The following ZSWIM6 variants were observed in gnomAD, a reference collection of about 807,000 sequenced individuals.
The protein encoded by ZSWIM6 is zinc finger SWIM-type containing 6, also known as zinc finger SWIM domain-containing protein 6.
ZSWIM6 carries 9 observed loss-of-function variants against 113.2 expected under a neutral mutation model. The ratio of observed to expected loss-of-function variants is 0.08; its 90% CI spans 0.05 to 0.14. The LOEUF is 0.14. Among genes scored for constraint, ZSWIM6 ranks in the 10% least tolerant of loss-of-function variants. The pLI is 1.00. For synonymous variants in ZSWIM6, 611 were observed against 606.5 expected, an observed-to-expected ratio of 1.01 and a Z score of -0.11; for missense variants, 1,162 against 1,552.2, an observed-to-expected ratio of 0.75 and a Z score of 4.22.
chr5:61,429,115 G>T (rs929603668), intron 1 of ZSWIM6, among the ~76,000 whole-genome samples: 2 of 152,190 alleles, frequency 1.3e-5, no homozygotes, highest in Admixed American at 6.5e-5. Context: ...GTGTGTTGGG[G>T]GGACAGTCAA....
intron 4 of ZSWIM6, among the ~76,000 whole-genome samples, chr5:61,500,328 A>G (rs1412099574): frequency 6.6e-6 from 1 of 151,752 alleles, no homozygotes; most frequent in East Asian, 1.9e-4. Flanking sequence ...GGGTTTCACT[A>G]CGTTAACCAG....
chr5:61,431,469 G>C (rs1746579429), intron 1 of ZSWIM6, among the ~76,000 whole-genome samples: 1 of 151,514 alleles, frequency 6.6e-6, no homozygotes, highest in Non-Finnish European at 1.5e-5. Context: ...CTACTGGCTG[G>C]GCGCAGTAGC....
chr5:61,444,216 C>T (rs537392123), intron 1 of ZSWIM6, among the ~76,000 whole-genome samples: 14 of 150,572 alleles, frequency 9.3e-5, no homozygotes, highest in Admixed American at 2.7e-4. Flanking sequence ...TTTGTCCCTG[C>T]GATAGTTTGC....
chr5:61,388,310 G>C (rs1745631776), intron 1 of ZSWIM6, among the ~76,000 whole-genome samples: 1 of 152,062 alleles, frequency 6.6e-6, no homozygotes, highest in African/African-American at 2.4e-5. Flanking sequence ...TCAGTTGTGT[G>C]TTTGTAAAAG....
At chr5:61,496,513 A>G (rs1232231753) in intron 4 of ZSWIM6, among the ~76,000 whole-genome samples, 2 of 152,190 alleles carry the variant, frequency 1.3e-5, no homozygotes, top group Non-Finnish European at 2.9e-5. Flanking sequence ...CATTGCTTCA[A>G]GGCTCTGCTT....
At chr5:61,385,997 A>G (rs1036607504) in intron 1 of ZSWIM6, among the ~76,000 whole-genome samples, 1 of 152,206 alleles carries the variant, frequency 6.6e-6, no homozygotes, top group Non-Finnish European at 1.5e-5. Flanking sequence ...GAGGGAATGG[A>G]AACAGTGGCA....
intron 2 of ZSWIM6, among the ~76,000 whole-genome samples, chr5:61,478,378 C>T (rs752019851): frequency 2.0e-5 from 3 of 152,204 alleles, no homozygotes; most frequent in Non-Finnish European, 4.4e-5. Flanking sequence ...CTTATTCTCA[C>T]AAGGCAGCCA....
At chr5:61,405,207 CTA>C (rs1285395088) in intron 1 of ZSWIM6, among the ~76,000 whole-genome samples, 4 of 152,056 alleles carry the variant, frequency 2.6e-5, no homozygotes, top group African/African-American at 9.7e-5. Context: ...TGATAGAAAG[CTA>C]TGTTTGAAGA....
rs1396051378 is a variant in ZSWIM6, at chr5:61,341,483, TTA to T, written c.676+8537_676+8538del. On this transcript the variant is annotated intron_variant, in intron 1 of 13. Coordinates refer to ENST00000252744, the MANE Select transcript of ZSWIM6 (RefSeq NM_020928.2). ...GAAATATGCCATAGGAAATTACTGT[TTA>T]TGTCAATTAGCCTATGATAAATTGG... 5.3e-5 allele frequency among the ~76,000 whole-genome samples: 8 copies of T among 152,368 alleles called. No individual in the cohort carries two copies. In the East Asian group the frequency reaches 1.3e-3, roughly 26 times the overall value.
intron 1 of ZSWIM6, among the ~76,000 whole-genome samples, chr5:61,367,009 T>C (rs1236231208): frequency 6.6e-6 from 1 of 150,858 alleles, no homozygotes; most frequent in Non-Finnish European, 1.5e-5. Context: ...GATTAAGTGA[T>C]AGCATGAGGA....
At position 61,490,947 on chromosome 5, in the gene ZSWIM6, A is replaced by G. The variant is rs1321144482; in HGVS notation, c.1182+13A>G. 10 of 1,515,470 alleles carry G rather than the reference A, an allele frequency of 6.6e-6. No homozygotes were observed. The East Asian group carries it at 1.3e-4, about 19-fold the overall frequency. 93.9% of individuals were successfully genotyped at this position (1,515,470 alleles called of 1,614,324 possible). A position where few individuals can be genotyped will look rare whatever the true frequency, so the allele number is the denominator to read the frequency against. On this transcript the variant is annotated intron_variant, in intron 3 of 13. Coordinates refer to ENST00000252744, the MANE Select transcript of ZSWIM6 (RefSeq NM_020928.2). ...GCTCTTTGCAAAGGTATGATTGTCT[A>G]TTTCTAAAGAAATATTCTAAATATA... is the stretch of plus-strand genomic sequence containing the variant.
chr5:61,396,529 CAA>C (rs60743291), intron 1 of ZSWIM6, among the ~76,000 whole-genome samples: 12 of 69,754 alleles, frequency 1.7e-4, no homozygotes, highest in South Asian at 4.6e-4. Context: ...GACTCTGTCT[CAA>C]AAAAAAAAAA....
At chr5:61,445,785 A>G (rs558294517) in intron 1 of ZSWIM6, among the ~76,000 whole-genome samples, 1 of 152,208 alleles carries the variant, frequency 6.6e-6, no homozygotes, top group Non-Finnish European at 1.5e-5. Flanking sequence ...AAGTAAATAG[A>G]AAATGAACCC....
At chr5:61,442,181 T>G (rs763854790) in intron 1 of ZSWIM6, among the ~76,000 whole-genome samples, 6 of 151,900 alleles carry the variant, frequency 3.9e-5, no homozygotes, top group Non-Finnish European at 8.8e-5. Flanking sequence ...TGAGACTGTT[T>G]GGGAGGTCTG....
chr5:61,505,433 C>T (rs1263185484), intron 4 of ZSWIM6, among the ~76,000 whole-genome samples: 2 of 152,078 alleles, frequency 1.3e-5, no homozygotes, highest in East Asian at 1.9e-4. Context: ...TCCTACAGAA[C>T]CTGGCTTCCA....
intron 1 of ZSWIM6, among the ~76,000 whole-genome samples, chr5:61,416,054 G>T (rs1208655226): frequency 6.6e-6 from 1 of 152,194 alleles, no homozygotes; most frequent in African/African-American, 2.4e-5. Context: ...GTTGGGTGAG[G>T]AGTATGCAGA....
chr5:61,342,542 G>A (rs1018190472), intron 1 of ZSWIM6, among the ~76,000 whole-genome samples: 6 of 152,178 alleles, frequency 3.9e-5, no homozygotes, highest in Non-Finnish European at 8.8e-5. Context: ...TCTTTGGTTG[G>A]TGCTCAAGCA....
intron 1 of ZSWIM6, among the ~76,000 whole-genome samples, chr5:61,335,343 A>G (rs1424420732): frequency 6.6e-6 from 1 of 152,188 alleles, no homozygotes; most frequent in East Asian, 1.9e-4. Context: ...TTAACTTCGA[A>G]GTTGTATTAC....
intron 9 of ZSWIM6, among the ~76,000 whole-genome samples, chr5:61,532,028 G>A (rs1255497788): frequency 1.3e-5 from 2 of 152,164 alleles, no homozygotes; most frequent in Non-Finnish European, 2.9e-5. Flanking sequence ...TTGTTCCTGA[G>A]ATAAATGCAA....
Sources: allele counts gnomAD v4.1 joint callset (sites outside exome capture counted in the v4.1 genomes callset), GRCh38; gene constraint gnomAD v4.1.1; transcripts MANE v1.5; gene names NCBI Gene and HGNC (gene_info 2026-07-23, HGNC 2026-07-21).